The following CYP4F11 variants were observed in gnomAD, a reference collection of about 807,000 sequenced individuals.
CYP4F11 encodes cytochrome P450 family 4 subfamily F member 11, also known as cytochrome P450 4F11.
CYP4F11 carries 79 observed loss-of-function variants against 62.2 expected under a neutral mutation model. The observed-to-expected ratio is 1.27, with a 90% CI of 1.06 to 1.53. The LOEUF (loss-of-function observed/expected upper bound fraction) is 1.53. CYP4F11 is among the 40% of genes most tolerant of loss of function. CYP4F11 has a pLI of 0.00. For missense variants in CYP4F11, 777 were observed against 680.5 expected (o/e 1.14, Z -1.58); for synonymous variants, 290 against 263.7 (o/e 1.10, Z -0.97).
At position 15,934,327 on chromosome 19, in the gene CYP4F11, A is replaced by T; in HGVS notation, c.82T>A (p.Ser28Thr). 1 of 1,613,182 alleles carries T rather than the reference A, an allele frequency of 6.2e-7. No individual in the cohort carries two copies. Among genetic ancestry groups the T allele is most frequent in the Non-Finnish European group, 8.5e-7 (1 of 1,179,454 alleles). The change falls in exon 1 of 12, where the codon TCC (serine) becomes ACC (threonine). Residue 28 changes from serine (S) to threonine (T), a missense_variant. Physicochemically the swap from Ser to Thr is moderately conservative, Grantham distance 58. Transcript: ENST00000402119. ...PWLLLLLVGG[S>T]WLLARVLAWT... ...GCCAGGACGCGGGCCAGGAGCCAGG[A>T]GCCTCCAACCAGCAGCAGAAGCAGC... is the stretch of plus-strand genomic sequence containing the variant.
chr19:15,914,239 A>T, intron 11 of CYP4F11, 66 bp downstream of exon 11: 2 of 1,538,454 alleles, frequency 1.3e-6, no homozygotes, highest in Non-Finnish European at 1.8e-6. Flanking sequence ...ACCATCTGTA[A>T]CTTCCCCCTT....
At chr19:15,931,561 C>CGAGGAGAAGAATGAGTGAGT (rs2089719676) in intron 1 of CYP4F11, among the ~76,000 whole-genome samples, 1 of 61,556 alleles carries the variant, frequency 1.6e-5, no homozygotes, top group Admixed American at 1.7e-4. Flanking sequence ...AATGAGTGAG[C>CGAGGAGAAGAATGAGTGAGT]GAGGAGAGGA....
At position 15,924,002 on chromosome 19, in the gene CYP4F11, G is replaced by T. The variant is rs758271246; in HGVS notation, c.728C>A (p.Thr243Lys). ...AGGAGTGAGATAATACAGGAAGTCCGTGTGCAAGAGAATCTGCTGGTTTCT... is the reference window on the plus strand; with the variant it reads ...AGGAGTGAGATAATACAGGAAGTCCTTGTGCAAGAGAATCTGCTGGTTTCT... ...EKRNQQILLH[T>K]DFLYYLTPDG... is the part of the protein sequence containing the mutation. The change falls in exon 6 of 12, where the codon ACG becomes AAG. Residue 243 changes from threonine (T) to lysine (K), a missense_variant. Transcript: ENST00000402119. 5.6e-6 allele frequency: 9 copies of T among 1,614,050 alleles called. No individual in the cohort carries two copies. Among genetic ancestry groups the T allele is most frequent in the Non-Finnish European group, 7.6e-6 (9 of 1,180,032 alleles).
intron 8 of CYP4F11, among the ~76,000 whole-genome samples, chr19:15,921,004 TTCTC>T (rs890307086): frequency 6.0e-5 from 9 of 151,120 alleles, no homozygotes; most frequent in African/African-American, 2.2e-4. Flanking sequence ...TTTCTTTCTC[TTCTC>T]TCTCTCTGTT....
chr19:15,934,096 C>G (rs1194586749), intron 1 of CYP4F11, 115 bp downstream of exon 1: 1 of 1,078,662 alleles, frequency 9.3e-7, no homozygotes, highest in African/African-American at 1.6e-5. Flanking sequence ...TCCCTCTCTT[C>G]TCTGTGTTCC....
Position 15,913,387 on chromosome 19 carries a change from G to GT in CYP4F11, c.*344dup, listed in dbSNP as rs2089553155. On this transcript the variant is annotated 3_prime_UTR_variant, in exon 12 of 12. Coordinates refer to ENST00000402119, the MANE Select transcript of CYP4F11 (RefSeq NM_021187.4). The stretch of plus-strand genomic sequence containing the variant: ...GATGAAGGGATCTGCCCCTATGGTT[G>GT]TTTCTCGCTGAATCAGAGTCTCAGT... 1 of 327,526 alleles carries GT rather than the reference G, an allele frequency of 3.1e-6. No homozygotes were observed. Among genetic ancestry groups the GT allele is most frequent in the African/African-American group, 2.2e-5 (1 of 45,958 alleles). 20.3% of individuals were successfully genotyped at this position (327,526 alleles called of 1,614,324 possible).
rs2089541778 is a variant in CYP4F11, at chr19:15,912,697, A to ATGTATGTGTG, written c.*1034_*1035insCACACATACA. ...AAAAAAAAAATATATATATATATAT[A>ATGTATGTGTG]TGTGTGTGTGTGTGTGTGTGTGTGT... On this transcript the variant is annotated 3_prime_UTR_variant, in exon 12 of 12. Transcript: ENST00000402119. The ATGTATGTGTG allele has an allele frequency of 1.4e-5, 1 of 72,748 alleles. No individual in the cohort carries two copies. Among genetic ancestry groups the ATGTATGTGTG allele is most frequent in the South Asian group, 5.9e-4 (1 of 1,696 alleles). The allele number at this position is 72,748 out of a possible 1,614,324, so 4.5% of individuals were successfully genotyped here. A position where few individuals can be genotyped will look rare whatever the true frequency, so the allele number is the denominator to read the frequency against.
chr19:15,926,174 A>G (rs1402691324), intron 4 of CYP4F11, among the ~76,000 whole-genome samples: 2 of 148,116 alleles, frequency 1.4e-5, no homozygotes, highest in Non-Finnish European at 3.0e-5. Context: ...AAAAAAAAAA[A>G]GAAAGCAGAT....
chr19:15,921,054 GTCTCTCTCTCTCTCTCTCTCTC>G (rs60842401), intron 8 of CYP4F11, among the ~76,000 whole-genome samples: 2,536 of 122,468 alleles, frequency 0.021, 82 homozygotes, highest in African/African-American at 0.073. Context: ...CTCTCTTTCT[GTCTCTCTCTCTCTCTCTCTCTC>G]TCTCTCTCTC....
At position 15,929,508 on chromosome 19, in the gene CYP4F11, G is replaced by T. The variant is rs765657481; in HGVS notation, c.292C>A (p.Leu98Ile). 6.2e-7 allele frequency: 1 copy of T among 1,614,034 alleles called. No homozygotes were observed. Residue 98 changes from leucine (L) to isoleucine (I), a missense_variant, in exon 2 of 12, where the codon CTC becomes ATC. Transcript: ENST00000402119. ...ATGTCAGGGTGGCATAAAATGAGGAGGGGGAAGGTAGGACCCAGCCACAAC... is the reference window on the plus strand; with the variant it reads ...ATGTCAGGGTGGCATAAAATGAGGATGGGGAAGGTAGGACCCAGCCACAAC... The part of the protein sequence containing the change: ...FKLWLGPTFP[L>I]LILCHPDIIR...
At position 15,934,376 on chromosome 19, in the gene CYP4F11, G is replaced by T. The variant is rs148250072; in HGVS notation, c.33C>A (p.Leu11=). The change falls in exon 1 of 12, where the codon CTC becomes CTA. Residue 11 remains leucine, a synonymous_variant. Coordinates refer to ENST00000402119, the MANE Select transcript of CYP4F11 (RefSeq NM_021187.4). MPQLSLSWLG[L]GPVAASPWLL... ...GCCACGGGGATGCTGCCACGGGCCCGAGGCCCAGCCAGGACAGGCTCAGCT... is the reference window on the plus strand; with the variant it reads ...GCCACGGGGATGCTGCCACGGGCCCTAGGCCCAGCCAGGACAGGCTCAGCT... The T allele has an allele frequency of 3.3e-3, 5,315 of 1,613,272 alleles. 17 individuals are homozygous for T. The highest frequency in any genetic ancestry group is 3.8e-3 in the Non-Finnish European group (4,448 of 1,179,660).
chr19:15,931,200 C>T (rs2089712851), intron 1 of CYP4F11, among the ~76,000 whole-genome samples: 1 of 151,834 alleles, frequency 6.6e-6, no homozygotes, highest in Non-Finnish European at 1.5e-5. Flanking sequence ...CGGGAGACTG[C>T]CCACACTTCT....
chr19:15,924,996 G>C lies in CYP4F11; in HGVS notation c.526-114C>G, dbSNP rs185015633. 4.0e-6 allele frequency: 5 copies of C among 1,248,548 alleles called. No individual in the cohort carries two copies. In the Admixed American group the frequency reaches 1.2e-4, roughly 29 times the overall value. The allele number at this position is 1,248,548 out of a possible 1,614,324, so 77.3% of individuals were successfully genotyped here. ...TCATCCTCCTGGTCCTCTGCCCCAG[G>C]TACCCATCCCCAGGAAGGACCAGCC... On this transcript the variant is annotated intron_variant, in intron 4 of 11. Transcript: ENST00000402119.
chr19:15,934,525 G>C lies in CYP4F11; in HGVS notation c.-117C>G. 2 of 1,225,714 alleles carry C rather than the reference G, an allele frequency of 1.6e-6. No individual in the cohort carries two copies. Among genetic ancestry groups the C allele is most frequent in the South Asian group, 3.1e-5 (2 of 65,404 alleles). 75.9% of individuals were successfully genotyped at this position (1,225,714 alleles called of 1,614,324 possible). On this transcript the variant is annotated 5_prime_UTR_variant, in exon 1 of 12. Coordinates refer to ENST00000402119, the MANE Select transcript of CYP4F11 (RefSeq NM_021187.4). ...CAGTGCTGGAGGCAGATCAGGGAAG[G>C]CTCTGAGATGGGTAAACAAGAGCTG...
chr19:15,924,135 C>A (rs1327603324), intron 5 of CYP4F11, 53 bp from the exon 6 acceptor site: 17 of 1,576,698 alleles, frequency 1.1e-5, no homozygotes, highest in Admixed American at 8.7e-5. Context: ...GAGCACCTCT[C>A]ACCAGCAGCT....
chr19:15,924,645 G>T, intron 5 of CYP4F11, 116 bp downstream of exon 5: 2 of 1,237,992 alleles, frequency 1.6e-6, no homozygotes, highest in Non-Finnish European at 2.3e-6. Flanking sequence ...GCCCAGCTAT[G>T]ACACACAGAA....
At position 15,912,676 on chromosome 19, in the gene CYP4F11, A is replaced by ATATAT. The variant is rs1165455379; in HGVS notation, c.*1055_*1056insATATA. ...ACCTTCACCATCCTCAGGAAAAAAA[A>ATATAT]AAAAATATATATATATATATATGTG... On this transcript the variant is annotated 3_prime_UTR_variant, in exon 12 of 12. Transcript: ENST00000402119. 17 of 27,682 alleles carry ATATAT rather than the reference A, an allele frequency of 6.1e-4. No homozygotes were observed. Among genetic ancestry groups the ATATAT allele is most frequent in the African/African-American group, 2.2e-3 (17 of 7,718 alleles). 1.7% of individuals were successfully genotyped at this position (27,682 alleles called of 1,614,324 possible).
rs773559903 is a variant in CYP4F11, at chr19:15,914,884, G to A, written c.1127C>T (p.Ala376Val). 1 of 1,614,100 alleles carries A rather than the reference G, an allele frequency of 6.2e-7. No individual in the cohort carries two copies. The highest frequency in any genetic ancestry group is 1.7e-5 in the Admixed American group (1 of 60,020). The change falls in exon 9 of 12, where the codon GCC becomes GTC. Residue 376 changes from alanine (A) to valine (V), a missense_variant. By Grantham distance (64) the Ala-to-Val change is moderately conservative (BLOSUM62 0). Transcript: ENST00000402119. ...GCACATGGTCAGGAAGGGCAGCTGG[G>A]CCAGGTCGTCCCTAAGAAAACACCC... is the stretch of plus-strand genomic sequence containing the variant. ...EPIEIEWDDL[A>V]QLPFLTMCIK...
At chr19:15,928,981 T>G (rs11665912) in intron 2 of CYP4F11, among the ~76,000 whole-genome samples, 123,125 of 152,200 alleles carry the variant, frequency 0.81, 50,044 homozygotes, top group East Asian at 0.99. Context: ...GCGGTACCTG[T>G]ATACTAATGA....
Sources: gnomAD v4.1 joint callset for allele counts (sites outside exome capture counted in the v4.1 genomes callset) on GRCh38, gnomAD v4.1.1 for gene constraint, MANE v1.5 for transcripts, NCBI Gene and HGNC (gene_info 2026-07-23, HGNC 2026-07-21) for gene names.